The following CA10 variants were observed in gnomAD, a reference collection of about 807,000 sequenced individuals.
CA10 encodes the protein carbonic anhydrase 10 (inactive).
CA10 carries 14 observed loss-of-function variants against 44.2 expected under a neutral mutation model. The ratio of observed to expected loss-of-function variants is 0.32; its 90% confidence interval spans 0.21 to 0.50. The LOEUF (loss-of-function observed/expected upper bound fraction) is 0.50. CA10 is among the 20% of genes least tolerant of loss of function. The probability of loss-of-function intolerance (pLI) is 0.99; values close to 1 mark genes in which losing one functional copy is unlikely to be tolerated. For synonymous variants in CA10, 159 were observed against 141.6 expected, an observed-to-expected ratio of 1.12 and a Z score of -0.87; for missense variants, 350 against 409.7, an observed-to-expected ratio of 0.85 and a Z score of 1.26.
chr17:52,150,600 A>G (rs1414694585), intron 1 of CA10, among the ~76,000 whole-genome samples: 1 of 152,178 alleles, frequency 6.6e-6, no homozygotes, highest in Non-Finnish European at 1.5e-5. Context: ...TCATTTAGTT[A>G]ACCATGGGTA....
At chr17:51,675,840 C>T (rs1261724990) in intron 4 of CA10, among the ~76,000 whole-genome samples, 8 of 152,236 alleles carry the variant, frequency 5.3e-5, no homozygotes, top group South Asian at 4.2e-4. Context: ...GAACAAGGAC[C>T]GCAATTACTT....
intron 2 of CA10, among the ~76,000 whole-genome samples, chr17:52,037,380 T>C (rs1057102073): frequency 6.6e-6 from 1 of 152,066 alleles, no homozygotes; most frequent in Admixed American, 6.6e-5. Flanking sequence ...GTCAACAATA[T>C]AGAATACTCC....
intron 4 of CA10, among the ~76,000 whole-genome samples, chr17:51,662,725 C>T (rs1254881535): frequency 1.3e-5 from 2 of 152,168 alleles, no homozygotes; most frequent in Non-Finnish European, 2.9e-5. Flanking sequence ...ATGAGATTTT[C>T]TGCATTGTAG....
At chr17:51,940,462 G>A (rs1248855904) in intron 2 of CA10, among the ~76,000 whole-genome samples, 1 of 152,088 alleles carries the variant, frequency 6.6e-6, no homozygotes, top group Non-Finnish European at 1.5e-5. Context: ...GCACAAGACT[G>A]TCAGAGGTTA....
intron 1 of CA10, among the ~76,000 whole-genome samples, chr17:52,081,857 C>A (rs1465626305): frequency 6.8e-6 from 1 of 147,838 alleles, no homozygotes; most frequent in Non-Finnish European, 1.5e-5. Flanking sequence ...TGGTAATGAA[C>A]TGGATGAGAG....
At chr17:51,678,879 C>G (rs1914722288) in intron 4 of CA10, among the ~76,000 whole-genome samples, 1 of 152,168 alleles carries the variant, frequency 6.6e-6, no homozygotes, top group Non-Finnish European at 1.5e-5. Flanking sequence ...ACAGTAAGCC[C>G]TCTCCTTCCC....
intron 2 of CA10, among the ~76,000 whole-genome samples, chr17:51,993,171 A>C (rs1000589311): frequency 6.6e-6 from 1 of 152,126 alleles, no homozygotes; most frequent in Non-Finnish European, 1.5e-5. Context: ...TTTTGGCAGC[A>C]CTTAGGTAGT....
At chr17:51,837,821 G>C (rs1978292228) in intron 3 of CA10, among the ~76,000 whole-genome samples, 1 of 152,092 alleles carries the variant, frequency 6.6e-6, no homozygotes, top group African/African-American at 2.4e-5. Flanking sequence ...TCCATGGGAG[G>C]CTAGATATTT....
chr17:51,831,686 A>AGCGGCAGCG (rs1567854544), intron 3 of CA10, among the ~76,000 whole-genome samples: 29 of 75,966 alleles, frequency 3.8e-4, no homozygotes, highest in Admixed American at 1.1e-3. Context: ...CAGCAGCAGC[A>AGCGGCAGCG]GCAGCAGCAG....
chr17:52,006,857 GATTA>G (rs1985617007), intron 2 of CA10, among the ~76,000 whole-genome samples: 2 of 151,818 alleles, frequency 1.3e-5, no homozygotes, highest in South Asian at 4.2e-4. Context: ...ATTAATCTGA[GATTA>G]ATGTCTTCAT....
intron 4 of CA10, among the ~76,000 whole-genome samples, chr17:51,722,155 G>A (rs1216945540): frequency 2.0e-5 from 3 of 152,064 alleles, no homozygotes; most frequent in Non-Finnish European, 2.9e-5. Context: ...TGGAGAACTG[G>A]AGAATTTGCT....
At chr17:51,807,332 G>A (rs572330127) in intron 3 of CA10, among the ~76,000 whole-genome samples, 1 of 152,248 alleles carries the variant, frequency 6.6e-6, no homozygotes, top group South Asian at 2.1e-4. Flanking sequence ...AGGTTACACA[G>A]GTATTTAGTC....
chr17:51,789,588 G>T (rs1244724867), intron 3 of CA10, among the ~76,000 whole-genome samples: 1 of 152,116 alleles, frequency 6.6e-6, no homozygotes, highest in Admixed American at 6.5e-5. Flanking sequence ...GTGTGCTCAT[G>T]ATACTCCCTC....
At chr17:51,726,734 T>C (rs1434465975) in intron 4 of CA10, among the ~76,000 whole-genome samples, 4 of 152,214 alleles carry the variant, frequency 2.6e-5, no homozygotes, top group Non-Finnish European at 5.9e-5. Flanking sequence ...ATTCTATATA[T>C]ATTCTGTTCC....
At chr17:52,012,810 G>A (rs1045716764) in intron 2 of CA10, among the ~76,000 whole-genome samples, 1 of 141,454 alleles carries the variant, frequency 7.1e-6, no homozygotes, top group Non-Finnish European at 1.5e-5. Flanking sequence ...AAAAGGAAAT[G>A]GAAATGTGTT....
intron 6 of CA10, 30 bp from the exon 7 acceptor site, chr17:51,636,039 G>T: frequency 6.7e-7 from 1 of 1,493,182 alleles, no homozygotes; most frequent in Non-Finnish European, 9.1e-7. Flanking sequence ...TTAAAAATTA[G>T]GTTTCTTGAG....
intron 4 of CA10, among the ~76,000 whole-genome samples, chr17:51,665,451 G>A (rs543382947): frequency 6.6e-6 from 1 of 152,162 alleles, no homozygotes; most frequent in Non-Finnish European, 1.5e-5. Flanking sequence ...ACAGGGTTTT[G>A]TCATTCTTCT....
At chr17:51,902,901 G>A (rs1309138670) in intron 3 of CA10, among the ~76,000 whole-genome samples, 4 of 152,096 alleles carry the variant, frequency 2.6e-5, no homozygotes, top group African/African-American at 7.2e-5. Flanking sequence ...ATAACACAAT[G>A]GAATCAGTAA....
At chr17:51,993,029 A>T (rs1337804565) in intron 2 of CA10, among the ~76,000 whole-genome samples, 2 of 152,156 alleles carry the variant, frequency 1.3e-5, no homozygotes, top group African/African-American at 4.8e-5. Flanking sequence ...ACACTAATTA[A>T]ACATTTTATG....
Sources: allele counts gnomAD v4.1 joint callset (sites outside exome capture counted in the v4.1 genomes callset), GRCh38; gene constraint gnomAD v4.1.1; transcripts MANE v1.5; gene names NCBI Gene and HGNC (gene_info 2026-07-23, HGNC 2026-07-21).